AK5: variants seen among roughly 807,000 people sequenced by gnomAD.
The protein encoded by AK5 is adenylate kinase 5.
In AK5, 27 loss-of-function variants were observed where a neutral mutation model predicts 69.5. That is an observed-to-expected ratio of 0.39 (90% CI 0.29 to 0.54). The LOEUF (loss-of-function observed/expected upper bound fraction) is 0.54, where lower values mean the gene tolerates loss of function less well. Among genes scored for constraint, AK5 ranks in the 20% least tolerant of loss-of-function variants. AK5 has a pLI of 0.71. For synonymous variants in AK5, 260 were observed against 244.4 expected (o/e 1.06, Z -0.60); for missense variants, 531 against 700.4 (o/e 0.76, Z 2.73).
chr1:77,373,681 G>A (rs755288953), intron 6 of AK5, among the ~76,000 whole-genome samples: 38 of 151,730 alleles, frequency 2.5e-4, no homozygotes, highest in Admixed American at 3.9e-4. Context: ...AGCCGAGATC[G>A]TGCCATTGCA....
At chr1:77,301,930 G>A (rs890953120) in intron 5 of AK5, among the ~76,000 whole-genome samples, 2 of 149,152 alleles carry the variant, frequency 1.3e-5, no homozygotes, top group Admixed American at 6.8e-5. Flanking sequence ...GTAGTATATT[G>A]GAGACTAATA....
At chr1:77,475,276 A>G (rs1456313622) in intron 8 of AK5, among the ~76,000 whole-genome samples, 1 of 143,186 alleles carries the variant, frequency 7.0e-6, no homozygotes, top group African/African-American at 2.6e-5. Context: ...AGAGAAATAT[A>G]TATATTACTC....
intron 13 of AK5, among the ~76,000 whole-genome samples, chr1:77,550,543 T>G (rs978693999): frequency 6.6e-6 from 1 of 152,202 alleles, no homozygotes; most frequent in African/African-American, 2.4e-5. Context: ...TTGTGCAGGA[T>G]TGTTCTCTGT....
At chr1:77,497,235 C>T (rs1301391337) in intron 10 of AK5, among the ~76,000 whole-genome samples, 1 of 152,216 alleles carries the variant, frequency 6.6e-6, no homozygotes, top group Non-Finnish European at 1.5e-5. Flanking sequence ...TGCGGCTTCA[C>T]TCCTGAAGTC....
rs549962012 is a variant in AK5 at position 77,332,492 on chromosome 1, T to C, written c.700-7885T>C. Among the ~76,000 whole-genome samples, 43 of 150,950 alleles carry C rather than the reference T, an allele frequency of 2.8e-4. 1 individual carries two copies. The highest frequency in any genetic ancestry group is 1.0e-3 in the African/African-American group (42 of 41,462). On this transcript the variant is annotated intron_variant, in intron 5 of 13. Transcript: ENST00000354567. ...GTCACAATTTTGTTATAATTTAATATAAAATATTATTTTTTGCCATGGTGA... is the reference window on the plus strand; with the variant it reads ...GTCACAATTTTGTTATAATTTAATACAAAATATTATTTTTTGCCATGGTGA...
chr1:77,542,348 A>C (rs556676980), intron 13 of AK5, among the ~76,000 whole-genome samples: 1 of 152,328 alleles, frequency 6.6e-6, no homozygotes, highest in East Asian at 1.9e-4. Flanking sequence ...AACCGTATAC[A>C]AGAAAATAAA....
intron 8 of AK5, among the ~76,000 whole-genome samples, chr1:77,440,137 C>G (rs1329696928): frequency 6.6e-6 from 1 of 152,076 alleles, no homozygotes; most frequent in African/African-American, 2.4e-5. Context: ...GTGTAGGGCT[C>G]CCTTGAGCAT....
At chr1:77,450,742 CG>C (rs1323722479) in intron 8 of AK5, among the ~76,000 whole-genome samples, 1 of 152,112 alleles carries the variant, frequency 6.6e-6, no homozygotes, top group African/African-American at 2.4e-5. Context: ...AATTTCTTCA[CG>C]GGTTTGTAAA....
rs367641551 is a variant in AK5 at position 77,358,241 on chromosome 1, T to C, written c.891+17673T>C. On this transcript the variant is annotated intron_variant, in intron 6 of 13. Coordinates refer to ENST00000354567, the MANE Select transcript of AK5 (RefSeq NM_174858.3). ...TGGTTGAAATCATATTGTACTCTGC[T>C]TTAAAAATTTTTTAACTTAAAATTA... Among the ~76,000 whole-genome samples the C allele has an allele frequency of 7.2e-5, 11 of 152,312 alleles. No homozygotes were observed. The East Asian group carries it at 2.1e-3, about 29-fold the overall frequency.
intron 6 of AK5, among the ~76,000 whole-genome samples, chr1:77,399,885 C>G (rs1046808960): frequency 2.0e-5 from 3 of 152,178 alleles, no homozygotes; most frequent in Non-Finnish European, 2.9e-5. Flanking sequence ...TGGGCAGTAG[C>G]CAGTTTCCCT....
chr1:77,332,111 G>C (rs1304649070), intron 5 of AK5, among the ~76,000 whole-genome samples: 1 of 151,944 alleles, frequency 6.6e-6, no homozygotes, highest in African/African-American at 2.4e-5. Context: ...ACTGAAATCT[G>C]TTCATTTTAT....
chr1:77,405,707 A>T (rs546561393), intron 6 of AK5, among the ~76,000 whole-genome samples: 50 of 152,266 alleles, frequency 3.3e-4, no homozygotes, highest in African/African-American at 1.2e-3. Flanking sequence ...AACTCCCCCT[A>T]GGAAAACTTG....
chr1:77,348,144 C>T (rs1177014801), intron 6 of AK5, among the ~76,000 whole-genome samples: 2 of 150,946 alleles, frequency 1.3e-5, no homozygotes, highest in Non-Finnish European at 3.0e-5. Flanking sequence ...TTATTATTAC[C>T]GACACTCATA....
At chr1:77,504,290 G>T (rs1216977614) in intron 10 of AK5, among the ~76,000 whole-genome samples, 1 of 152,014 alleles carries the variant, frequency 6.6e-6, no homozygotes, top group Non-Finnish European at 1.5e-5. Flanking sequence ...TAAATTTAAG[G>T]ATTTCTTTTC....
chr1:77,438,226 A>G lies in AK5; in HGVS notation c.1059+20511A>G, dbSNP rs1358121767. ...GATTCAGAGAAGCAGAGATGGGGAA[A>G]AAAAGGAGAAAAAAAGAAGTTGAGA... On this transcript the variant is annotated intron_variant, in intron 8 of 13. Coordinates refer to ENST00000354567, the MANE Select transcript of AK5 (RefSeq NM_174858.3). 2.0e-5 allele frequency among the ~76,000 whole-genome samples: 3 copies of G among 150,132 alleles called. No homozygotes were observed. In the Admixed American group the frequency reaches 2.0e-4, roughly 10 times the overall value.
At chr1:77,400,076 C>T (rs115962840) in intron 6 of AK5, among the ~76,000 whole-genome samples, 2 of 152,204 alleles carry the variant, frequency 1.3e-5, no homozygotes, top group African/African-American at 4.8e-5. Context: ...ACAGAATCAC[C>T]TACTAAGGTC....
chr1:77,315,441 A>G (rs1235577416), intron 5 of AK5, among the ~76,000 whole-genome samples: 1 of 152,140 alleles, frequency 6.6e-6, no homozygotes, highest in Non-Finnish European at 1.5e-5. Flanking sequence ...TTAGCAATTT[A>G]TATTCTATTT....
At chr1:77,555,089 T>C (rs1660031439) in intron 13 of AK5, among the ~76,000 whole-genome samples, 2 of 152,094 alleles carry the variant, frequency 1.3e-5, no homozygotes, top group South Asian at 4.1e-4. Context: ...AAGATCAGCC[T>C]GGCCAACATG....
intron 6 of AK5, among the ~76,000 whole-genome samples, chr1:77,361,317 C>A (rs147432062): frequency 1.3e-5 from 2 of 152,144 alleles, no homozygotes; most frequent in Non-Finnish European, 2.9e-5. Context: ...GGTCTCAAAG[C>A]GACCTGGTTC....
Sources: gnomAD v4.1 joint callset for allele counts (sites outside exome capture counted in the v4.1 genomes callset) on GRCh38, gnomAD v4.1.1 for gene constraint, MANE v1.5 for transcripts, NCBI Gene and HGNC (gene_info 2026-07-23, HGNC 2026-07-21) for gene names.